CTTNBP2: variants seen among roughly 807,000 people sequenced by gnomAD.
The protein encoded by CTTNBP2 is cortactin-binding protein 2.
CTTNBP2 carries 108 observed loss-of-function variants against 156.9 expected under a neutral mutation model. That is an observed-to-expected ratio of 0.69 (90% CI 0.59 to 0.81). CTTNBP2 has a LOEUF of 0.81. CTTNBP2 is among the 30% of genes least tolerant of loss of function. The pLI, the probability that CTTNBP2 is intolerant of heterozygous loss-of-function variation, is 0.00. For synonymous variants in CTTNBP2, 767 were observed against 751.8 expected (o/e 1.02, Z -0.33); for missense variants, 1,924 against 2,035.4 (o/e 0.95, Z 1.05).
intron 12 of CTTNBP2, among the ~76,000 whole-genome samples, chr7:117,746,816 C>T (rs767377543): frequency 5.9e-5 from 9 of 152,198 alleles, no homozygotes; most frequent in Non-Finnish European, 8.8e-5. Flanking sequence ...GGATTACTTT[C>T]GCTTTGTCAA....
intron 2 of CTTNBP2, among the ~76,000 whole-genome samples, chr7:117,840,548 C>A (rs956488433): frequency 1.3e-5 from 2 of 152,102 alleles, no homozygotes; most frequent in Non-Finnish European, 2.9e-5. Flanking sequence ...AACAAAAATT[C>A]TTTTCCTGCC....
Position 117,842,760 on chromosome 7 carries a change from T to C in CTTNBP2, c.189+18449A>G, listed in dbSNP as rs537523285. On this transcript the variant is annotated intron_variant, in intron 2 of 22. Transcript: ENST00000160373. The stretch of plus-strand genomic sequence containing the variant: ...AAAACCAAGAAATTATTTCTGTGTC[T>C]ATACAATATTCATTAATCTAAACTC... Among the ~76,000 whole-genome samples, 4 of 152,350 alleles carry C rather than the reference T, an allele frequency of 2.6e-5. 1 individual carries two copies. The highest frequency in any genetic ancestry group is 9.6e-5 in the African/African-American group (4 of 41,578).
intron 12 of CTTNBP2, among the ~76,000 whole-genome samples, chr7:117,748,550 C>T (rs549507597): frequency 3.9e-5 from 6 of 152,248 alleles, no homozygotes; most frequent in East Asian, 1.9e-4. Context: ...TTGCACAACA[C>T]GCAAAATATT....
intron 1 of CTTNBP2, among the ~76,000 whole-genome samples, chr7:117,868,924 T>G (rs1204040667): frequency 1.3e-5 from 2 of 152,222 alleles, no homozygotes; most frequent in Non-Finnish European, 2.9e-5. Context: ...CCTTTTTTCC[T>G]GCCCATTCTT....
At chr7:117,796,378 T>C (rs1332902065) in intron 3 of CTTNBP2, among the ~76,000 whole-genome samples, 1 of 152,144 alleles carries the variant, frequency 6.6e-6, no homozygotes, top group East Asian at 1.9e-4. Context: ...CTATGTGTAC[T>C]TAAGAGAATA....
At chr7:117,754,071 G>A (rs1437076809) in intron 12 of CTTNBP2, among the ~76,000 whole-genome samples, 1 of 152,106 alleles carries the variant, frequency 6.6e-6, no homozygotes, top group African/African-American at 2.4e-5. Context: ...TATCCACTTG[G>A]AGTAAAATTC....
chr7:117,807,833 T>C (rs1800039452), intron 3 of CTTNBP2, among the ~76,000 whole-genome samples: 1 of 152,202 alleles, frequency 6.6e-6, no homozygotes, highest in Non-Finnish European at 1.5e-5. Flanking sequence ...TTTGTGATGC[T>C]GGCTGGGAAG....
chr7:117,732,946 T>C (rs1356959524), intron 16 of CTTNBP2, among the ~76,000 whole-genome samples: 2 of 152,244 alleles, frequency 1.3e-5, no homozygotes, highest in African/African-American at 4.8e-5. Flanking sequence ...AACTCTTTTA[T>C]ATTTTTTAAG....
At chr7:117,719,939 TGGCATAGGGGAC>T (rs1794686861) in intron 20 of CTTNBP2, among the ~76,000 whole-genome samples, 1 of 152,174 alleles carries the variant, frequency 6.6e-6, no homozygotes, top group East Asian at 1.9e-4. Context: ...CTAAACACTG[TGGCATAGGGGAC>T]AATGTGATAA....
chr7:117,760,117 T>C (rs917906063), intron 10 of CTTNBP2, among the ~76,000 whole-genome samples: 1 of 152,240 alleles, frequency 6.6e-6, no homozygotes, highest in African/African-American at 2.4e-5. Context: ...TGTTCAGTAC[T>C]TGCGCAAAAG....
intron 3 of CTTNBP2, chr7:117,793,567 T>C (rs7781470): frequency 0.21 from 31,770 of 152,272 alleles, 5,007 homozygotes; most frequent in African/African-American, 0.44. Context: ...CAGTAAGCCA[T>C]GTGCGCATGG....
intron 14 of CTTNBP2, among the ~76,000 whole-genome samples, chr7:117,743,811 A>AC (rs1440939818): frequency 6.6e-6 from 1 of 151,008 alleles, no homozygotes; most frequent in African/African-American, 2.4e-5. Flanking sequence ...CACCAGTGTA[A>AC]GAGCTTACAA....
chr7:117,773,410 T>C (rs1797899740), intron 8 of CTTNBP2, among the ~76,000 whole-genome samples: 1 of 152,050 alleles, frequency 6.6e-6, no homozygotes, highest in Admixed American at 6.6e-5. Context: ...CACATAAAAA[T>C]GATCTAAAGT....
intron 2 of CTTNBP2, among the ~76,000 whole-genome samples, chr7:117,839,345 A>G (rs1306539380): frequency 6.6e-6 from 1 of 152,218 alleles, no homozygotes; most frequent in South Asian, 2.1e-4. Context: ...GAACAGGAAG[A>G]AATTTCCTAA....
intron 1 of CTTNBP2, among the ~76,000 whole-genome samples, chr7:117,865,916 TTA>T: frequency 6.8e-6 from 1 of 148,104 alleles, no homozygotes; most frequent in African/African-American, 2.4e-5. Context: ...TTACAATTTA[TTA>T]TATATAATTT....
chr7:117,796,559 T>C (rs1207394511), intron 3 of CTTNBP2, among the ~76,000 whole-genome samples: 1 of 152,242 alleles, frequency 6.6e-6, no homozygotes, highest in African/African-American at 2.4e-5. Context: ...GTAAGTTCTC[T>C]AAAAATTGGT....
chr7:117,856,640 G>A (rs557989186), intron 2 of CTTNBP2, among the ~76,000 whole-genome samples: 2 of 152,210 alleles, frequency 1.3e-5, no homozygotes, highest in South Asian at 4.1e-4. Flanking sequence ...TTTATATGAA[G>A]GTTAGGAGGA....
At chr7:117,862,266 G>A (rs1803809246) in intron 1 of CTTNBP2, among the ~76,000 whole-genome samples, 1 of 138,964 alleles carries the variant, frequency 7.2e-6, no homozygotes, top group Non-Finnish European at 1.5e-5. Context: ...GCCTTCCAGG[G>A]ACCCAGCTAC....
chr7:117,832,463 A>T (rs2117084061), intron 2 of CTTNBP2, among the ~76,000 whole-genome samples: 1 of 152,272 alleles, frequency 6.6e-6, no homozygotes, highest in African/African-American at 2.4e-5. Context: ...CCAATACCTA[A>T]TAATACTACA....
Sources: gnomAD v4.1 joint callset for allele counts (sites outside exome capture counted in the v4.1 genomes callset) on GRCh38, gnomAD v4.1.1 for gene constraint, MANE v1.5 for transcripts, NCBI Gene and HGNC (gene_info 2026-07-23, HGNC 2026-07-21) for gene names.